The following LRP1B variants were observed in gnomAD, a reference collection of about 807,000 sequenced individuals.
LRP1B encodes the protein LDL receptor related protein 1B, also known as low-density lipoprotein receptor-related protein 1B.
LRP1B carries 217 observed loss-of-function variants against 556.6 expected under a neutral mutation model. The observed-to-expected ratio is 0.39, with a 90% CI of 0.35 to 0.44. The LOEUF is 0.44. Among genes scored for constraint, LRP1B ranks in the 20% least tolerant of loss-of-function variants. The pLI is 1.00. For missense variants in LRP1B, 5,053 were observed against 5,620.8 expected, an observed-to-expected ratio of 0.90 and a Z score of 3.23; for synonymous variants, 2,047 against 1,865.8, an observed-to-expected ratio of 1.10 and a Z score of -2.50.
intron 41 of LRP1B, among the ~76,000 whole-genome samples, chr2:140,671,434 T>C (rs142278533): frequency 1.3e-5 from 2 of 152,114 alleles, no homozygotes; most frequent in Non-Finnish European, 2.9e-5. Flanking sequence ...GGCAGGAGAA[T>C]GTCGTGAATC....
chr2:141,121,398 T>C (rs1395709964), intron 7 of LRP1B, among the ~76,000 whole-genome samples: 1 of 151,950 alleles, frequency 6.6e-6, no homozygotes, highest in African/African-American at 2.4e-5. Context: ...AAAGTAAATA[T>C]CTTACAAGAC....
At chr2:141,400,880 T>C (rs1690426936) in intron 3 of LRP1B, among the ~76,000 whole-genome samples, 1 of 152,178 alleles carries the variant, frequency 6.6e-6, no homozygotes, top group South Asian at 2.1e-4. Context: ...TTCCATAATG[T>C]GGTCCGTGTT....
rs187243236 is a variant in LRP1B at position 141,736,923 on chromosome 2, T to C, written c.205+73356A>G. Among the ~76,000 whole-genome samples, 147 of 152,244 alleles carry C rather than the reference T, an allele frequency of 9.7e-4. 3 individuals are homozygous for C. Among genetic ancestry groups the C allele is most frequent in the Middle Eastern group, 3.4e-3 (1 of 294 alleles). On this transcript the variant is annotated intron_variant, in intron 2 of 90. Coordinates refer to ENST00000389484, the MANE Select transcript of LRP1B (RefSeq NM_018557.3). ...GACTTATGAGACGCAGAATAGTAAG[T>C]GCAGCTTAGAAAGGGAACTTAGATT...
At chr2:140,873,138 T>G (rs1038578957) in intron 25 of LRP1B, among the ~76,000 whole-genome samples, 2 of 152,112 alleles carry the variant, frequency 1.3e-5, no homozygotes, top group Non-Finnish European at 2.9e-5. Flanking sequence ...TGTTAAGAAT[T>G]GCCAGAATAC....
At chr2:141,355,347 G>A (rs1209860680) in intron 3 of LRP1B, among the ~76,000 whole-genome samples, 1 of 151,850 alleles carries the variant, frequency 6.6e-6, no homozygotes, top group Admixed American at 6.6e-5. Flanking sequence ...CTTATAAAGT[G>A]TACAATTCCC....
chr2:140,640,198 G>A (rs975172284), intron 41 of LRP1B, among the ~76,000 whole-genome samples: 2 of 149,868 alleles, frequency 1.3e-5, no homozygotes, highest in Non-Finnish European at 3.0e-5. Context: ...TAGAGACGGG[G>A]TTTCACTGTG....
intron 41 of LRP1B, among the ~76,000 whole-genome samples, chr2:140,632,798 C>T (rs1208046308): frequency 6.6e-6 from 1 of 152,182 alleles, no homozygotes; most frequent in African/African-American, 2.4e-5. Flanking sequence ...CATCGTGGCT[C>T]ATGCCTGTAA....
intron 1 of LRP1B, among the ~76,000 whole-genome samples, chr2:142,046,228 A>G (rs1282730306): frequency 6.6e-6 from 1 of 151,898 alleles, no homozygotes; most frequent in Non-Finnish European, 1.5e-5. Flanking sequence ...TTTCTATAAG[A>G]CAGTCAAATT....
intron 2 of LRP1B, among the ~76,000 whole-genome samples, chr2:141,553,789 T>C (rs1183741229): frequency 7.2e-6 from 1 of 138,904 alleles, no homozygotes; most frequent in Admixed American, 7.6e-5. Context: ...TATAAATATA[T>C]AGAAATATAT....
chr2:141,510,622 C>T (rs1182508177), intron 2 of LRP1B, among the ~76,000 whole-genome samples: 1 of 152,078 alleles, frequency 6.6e-6, no homozygotes, highest in Non-Finnish European at 1.5e-5. Flanking sequence ...TTCCAGAACT[C>T]TTATCCCTGA....
intron 25 of LRP1B, among the ~76,000 whole-genome samples, chr2:140,875,427 G>A (rs1202388032): frequency 2.0e-5 from 3 of 152,106 alleles, no homozygotes; most frequent in African/African-American, 4.8e-5. Context: ...TTGCTTATAA[G>A]ATTTTGAAAA....
chr2:140,250,929 GATAAA>G (rs1371149596), intron 86 of LRP1B, among the ~76,000 whole-genome samples: 1 of 151,258 alleles, frequency 6.6e-6, no homozygotes, highest in African/African-American at 2.4e-5. Flanking sequence ...TCGCTCAAAA[GATAAA>G]ATAAGCTACG....
At chr2:141,413,272 G>C (rs1464291339) in intron 3 of LRP1B, among the ~76,000 whole-genome samples, 1 of 152,120 alleles carries the variant, frequency 6.6e-6, no homozygotes, top group Non-Finnish European at 1.5e-5. Flanking sequence ...GATTGCCCTG[G>C]ATTATCCAGA....
At chr2:141,931,802 G>A (rs1007930359) in intron 1 of LRP1B, among the ~76,000 whole-genome samples, 3 of 151,980 alleles carry the variant, frequency 2.0e-5, no homozygotes, top group East Asian at 1.9e-4. Context: ...TTCAAAATGC[G>A]TGGGATTTTG....
At chr2:141,075,508 C>G (rs962915570) in intron 7 of LRP1B, among the ~76,000 whole-genome samples, 7 of 152,090 alleles carry the variant, frequency 4.6e-5, no homozygotes, top group African/African-American at 1.4e-4. Flanking sequence ...AGCATTCCTT[C>G]AGGAATCAGT....
chr2:140,478,194 C>T (rs11896573), intron 59 of LRP1B, among the ~76,000 whole-genome samples: 5 of 143,816 alleles, frequency 3.5e-5, no homozygotes, highest in Admixed American at 1.4e-4. Flanking sequence ...CTGTTGCCCA[C>T]GCTGGAGTGC....
intron 67 of LRP1B, among the ~76,000 whole-genome samples, chr2:140,384,363 C>T (rs759284003): frequency 5.9e-5 from 9 of 151,940 alleles, no homozygotes; most frequent in Non-Finnish European, 1.0e-4. Context: ...TGCTTCTATC[C>T]CTACCAGCTC....
At chr2:140,425,674 G>A (rs191831124) in intron 66 of LRP1B, among the ~76,000 whole-genome samples, 4 of 152,258 alleles carry the variant, frequency 2.6e-5, no homozygotes, top group African/African-American at 9.6e-5. Context: ...CCAAAGTGCT[G>A]GGATTACAGG....
At chr2:141,451,473 A>G (rs1181049829) in intron 3 of LRP1B, among the ~76,000 whole-genome samples, 1 of 152,248 alleles carries the variant, frequency 6.6e-6, no homozygotes. Context: ...TAACTAATTC[A>G]GAAAACAGAT....
Sources: allele counts gnomAD v4.1 joint callset (sites outside exome capture counted in the v4.1 genomes callset), GRCh38; gene constraint gnomAD v4.1.1; transcripts MANE v1.5; gene names NCBI Gene and HGNC (gene_info 2026-07-23, HGNC 2026-07-21).